The following PROSER2 variants were observed in gnomAD, a reference collection of about 807,000 sequenced individuals.
PROSER2 encodes proline and serine rich 2.
Under a neutral mutation model 14.6 loss-of-function variants are expected in PROSER2, and 18 were observed. The ratio of observed to expected loss-of-function variants is 1.23; its 90% CI spans 0.85 to 1.83. PROSER2 has a LOEUF of 1.83. PROSER2 is among the 40% of genes most tolerant of loss of function. The pLI, the probability that PROSER2 is intolerant of heterozygous loss-of-function variation, is 0.00. For synonymous variants in PROSER2, 367 were observed against 286.4 expected, an observed-to-expected ratio of 1.28 and a Z score of -2.84; for missense variants, 823 against 629.8, an observed-to-expected ratio of 1.31 and a Z score of -3.28.
At chr10:11,839,047 A>G (rs1379479272) in intron 1 of PROSER2, among the ~76,000 whole-genome samples, 1 of 152,216 alleles carries the variant, frequency 6.6e-6, no homozygotes, top group Non-Finnish European at 1.5e-5. Flanking sequence ...TAATAGAGCA[A>G]AATAGGAAAT....
At chr10:11,851,939 T>G (rs1257168046) in intron 1 of PROSER2, 58 bp from the exon 2 acceptor site, 4 of 811,204 alleles carry the variant, frequency 4.9e-6, no homozygotes, top group Non-Finnish European at 5.2e-6. Context: ...TTTGAGGGAT[T>G]GAGGCGTTTT....
intron 1 of PROSER2, among the ~76,000 whole-genome samples, chr10:11,839,654 G>A (rs776512265): frequency 4.0e-5 from 6 of 151,688 alleles, no homozygotes; most frequent in African/African-American, 9.7e-5. Context: ...GCGAAATCCC[G>A]TCTCTACTAA....
Position 11,837,273 on chromosome 10 carries a change from CTGTGAAGG to C in PROSER2, c.-82+13811_-82+13818del. Among the ~76,000 whole-genome samples, 1 of 152,330 alleles carries C rather than the reference CTGTGAAGG, an allele frequency of 6.6e-6. No homozygotes were observed. The highest frequency in any genetic ancestry group is 2.1e-4 in the South Asian group (1 of 4,826). On this transcript the variant is annotated intron_variant, in intron 1 of 3. Transcript: ENST00000277570. This position sits in a 1 kb window ranked among gnomAD's most constrained non-coding sequence, Gnocchi z 4.6. ...ACTGTAAGAACAAATCATCTTCTGT[CTGTGAAGG>C]TGTGAAGAAGGAAAAAGAAATTTAT...
chr10:11,866,909 G>A lies in PROSER2; in HGVS notation c.391+126G>A, dbSNP rs1018249290. ...GTTGAGTCTTACCAGATTTTTATAGGGGAAAATACTCCTTGGCAGTTTCAT... is the reference window on the plus strand; with the variant it reads ...GTTGAGTCTTACCAGATTTTTATAGAGGAAAATACTCCTTGGCAGTTTCAT... On this transcript the variant is annotated intron_variant, in intron 3 of 3. Transcript: ENST00000277570. This position sits in a 1 kb window ranked among gnomAD's most constrained non-coding sequence, Gnocchi z 6.0. 1 of 1,112,014 alleles carries A rather than the reference G, an allele frequency of 9.0e-7. No homozygotes were observed. Among genetic ancestry groups the A allele is most frequent in the African/African-American group, 1.6e-5 (1 of 63,858 alleles). The allele number at this position is 1,112,014 out of a possible 1,614,324, so 68.9% of individuals were successfully genotyped here.
At position 11,867,264 on chromosome 10, in the gene PROSER2, C is replaced by CAAAAAAA. The variant is rs10560433; in HGVS notation, c.391+498_391+504dup. Among the ~76,000 whole-genome samples, 25 of 51,810 alleles carry CAAAAAAA rather than the reference C, an allele frequency of 4.8e-4. 1 individual carries two copies. The highest frequency in any genetic ancestry group is 1.1e-3 in the South Asian group (1 of 926). The allele number at this position is 51,810 out of a possible 152,430, so 34.0% of individuals were successfully genotyped here. A position where few individuals can be genotyped will look rare whatever the true frequency, so the allele number is the denominator to read the frequency against. Reference sequence around the variant, plus strand: ...TGGGGGACAGAGTGAGACTCCGTCTCAAAAAAAAAAAAAAAAAAAAAAAGA... The same window carrying CAAAAAAA: ...TGGGGGACAGAGTGAGACTCCGTCTCAAAAAAAAAAAAAAAAAAAAAAAAAAAAAAGA... On this transcript the variant is annotated intron_variant, in intron 3 of 3. Transcript: ENST00000277570.
Position 11,837,301 on chromosome 10 carries a change from A to G in PROSER2, c.-82+13831A>G, listed in dbSNP as rs935436916. On this transcript the variant is annotated intron_variant, in intron 1 of 3. Transcript: ENST00000277570. This position sits in a 1 kb window ranked among gnomAD's most constrained non-coding sequence, Gnocchi z 4.6. ...TGAAGGTGTGAAGAAGGAAAAAGAAATTTATATTAGTTTTGCTGTCACACT... is the reference window on the plus strand; with the variant it reads ...TGAAGGTGTGAAGAAGGAAAAAGAAGTTTATATTAGTTTTGCTGTCACACT... Among the ~76,000 whole-genome samples the G allele has an allele frequency of 3.9e-5, 6 of 152,304 alleles. No homozygotes were observed. Among genetic ancestry groups the G allele is most frequent in the African/African-American group, 1.4e-4 (6 of 41,566 alleles).
At chr10:11,841,998 G>A (rs1478249333) in intron 1 of PROSER2, among the ~76,000 whole-genome samples, 5 of 152,126 alleles carry the variant, frequency 3.3e-5, no homozygotes, top group Non-Finnish European at 5.9e-5. Context: ...CGAGGCAGGC[G>A]GATTGCCTGA....
chr10:11,829,426 A>T (rs1833660857), intron 1 of PROSER2, among the ~76,000 whole-genome samples: 1 of 151,804 alleles, frequency 6.6e-6, no homozygotes, highest in South Asian at 2.1e-4. Context: ...TCTACAAAAA[A>T]TTAAAAAATT....
chr10:11,870,433 G>A lies in PROSER2; in HGVS notation c.*27G>A. 1 of 1,433,614 alleles carries A rather than the reference G, an allele frequency of 7.0e-7. No individual in the cohort carries two copies. The highest frequency in any genetic ancestry group is 9.1e-7 in the Non-Finnish European group (1 of 1,094,780). The allele number at this position is 1,433,614 out of a possible 1,614,324, so 88.8% of individuals were successfully genotyped here. On this transcript the variant is annotated 3_prime_UTR_variant, in exon 4 of 4. Transcript: ENST00000277570. ...GGCCGCGCGGGCTCCAGTCCACCCC[G>A]TTTCTCCCCACCCTGAAGAGAGGGT...
At chr10:11,844,682 C>T (rs1176926303) in intron 1 of PROSER2, among the ~76,000 whole-genome samples, 1 of 152,176 alleles carries the variant, frequency 6.6e-6, no homozygotes, top group African/African-American at 2.4e-5. Context: ...AGTGCAGTGG[C>T]ACGATCTCAG....
chr10:11,853,443 C>T (rs1834066825), intron 2 of PROSER2, among the ~76,000 whole-genome samples: 1 of 152,108 alleles, frequency 6.6e-6, no homozygotes, highest in Non-Finnish European at 1.5e-5. Context: ...CAAAAATTAG[C>T]CGGGCGTGGT....
rs763564979 is a variant in PROSER2 at position 11,869,447 on chromosome 10, T to C, written c.392-43T>C. 9 of 1,467,924 alleles carry C rather than the reference T, an allele frequency of 6.1e-6. No individual in the cohort carries two copies. In the South Asian group the frequency reaches 1.0e-4, roughly 17 times the overall value. 90.9% of individuals were successfully genotyped at this position (1,467,924 alleles called of 1,614,324 possible). On this transcript the variant is annotated intron_variant, in intron 3 of 3. Coordinates refer to ENST00000277570, the MANE Select transcript of PROSER2 (RefSeq NM_153256.4). The surrounding 1 kb of genome is among the most constrained non-coding windows in gnomAD (Gnocchi z 4.4). ...GAGAGGGAACTTCATGCATTTACTT[T>C]CACGTGGGCCGGTGGCTCACAGGCT...
rs888804783 is a variant in PROSER2, at chr10:11,830,136, C to T, written c.-82+6666C>T. ...GGGATTACAGGTGTGAGCCACTGTG[C>T]CAGCCACAATAGGCAGTTTTTCAGC... On this transcript the variant is annotated intron_variant, in intron 1 of 3. Transcript: ENST00000277570. This position sits in a 1 kb window ranked among gnomAD's most constrained non-coding sequence, Gnocchi z 4.5. Among the ~76,000 whole-genome samples, 1 of 152,166 alleles carries T rather than the reference C, an allele frequency of 6.6e-6. No homozygotes were observed. The highest frequency in any genetic ancestry group is 2.4e-5 in the African/African-American group (1 of 41,432).
In PROSER2 at chr10:11,836,482, C is replaced by T. The variant is rs1174431705; in HGVS notation, c.-82+13012C>T. 6.6e-6 allele frequency among the ~76,000 whole-genome samples: 1 copy of T among 152,188 alleles called. No individual in the cohort carries two copies. Among genetic ancestry groups the T allele is most frequent in the African/African-American group, 2.4e-5 (1 of 41,434 alleles). ...AAAGTGCTGGGATTACAGGTGTGAG[C>T]CACCACGCCTGGCCAGGATGTCGCT... On this transcript the variant is annotated intron_variant, in intron 1 of 3. Coordinates refer to ENST00000277570, the MANE Select transcript of PROSER2 (RefSeq NM_153256.4). This position sits in a 1 kb window ranked among gnomAD's most constrained non-coding sequence, Gnocchi z 4.6.
chr10:11,858,969 A>T (rs1477721109), intron 2 of PROSER2, among the ~76,000 whole-genome samples: 3 of 140,686 alleles, frequency 2.1e-5, no homozygotes, highest in African/African-American at 8.2e-5. Context: ...AGATTGTATG[A>T]CTGCACTCCA....
chr10:11,826,201 C>T (rs1485485978), intron 1 of PROSER2, among the ~76,000 whole-genome samples: 1 of 152,092 alleles, frequency 6.6e-6, no homozygotes, highest in Non-Finnish European at 1.5e-5. Flanking sequence ...CGGCGTGTAT[C>T]GTTGCTTCCC....
rs1029263387 is a variant in PROSER2 at position 11,865,796 on chromosome 10, A to T, written c.139-735A>T. ...TCACCTTTTTCGAGAGTAACTGGCG[A>T]GTTTTGTGCCGGGATGAGCTCATTG... On this transcript the variant is annotated intron_variant, in intron 2 of 3. Coordinates refer to ENST00000277570, the MANE Select transcript of PROSER2 (RefSeq NM_153256.4). This position sits in a 1 kb window ranked among gnomAD's most constrained non-coding sequence, Gnocchi z 4.2. 2.0e-5 allele frequency among the ~76,000 whole-genome samples: 3 copies of T among 152,090 alleles called. No homozygotes were observed. Among genetic ancestry groups the T allele is most frequent in the Non-Finnish European group, 4.4e-5 (3 of 68,010 alleles).
At chr10:11,844,884 A>C (rs776799497) in intron 1 of PROSER2, among the ~76,000 whole-genome samples, 3 of 152,202 alleles carry the variant, frequency 2.0e-5, no homozygotes, top group Non-Finnish European at 2.9e-5. Flanking sequence ...GGCCTCCCAA[A>C]GTGCTGGGAT....
rs772669879 is a variant in PROSER2 at position 11,852,072 on chromosome 10, G to T, written c.-6G>T. On this transcript the variant is annotated 5_prime_UTR_variant, in exon 2 of 4. Transcript: ENST00000277570. ...TGATCGAGCCGGCCCTGAGGACTCT[G>T]TGGAGATGCCTGTAACCCACCGGAA... The T allele has an allele frequency of 6.2e-7, 1 of 1,607,272 alleles. No homozygotes were observed. The highest frequency in any genetic ancestry group is 1.3e-5 in the African/African-American group (1 of 74,716).
Sources: gnomAD v4.1 joint callset for allele counts (sites outside exome capture counted in the v4.1 genomes callset) on GRCh38, gnomAD v4.1.1 for gene constraint, Gnocchi (gnomAD v3.1) non-coding constraint, MANE v1.5 for transcripts, NCBI Gene and HGNC (gene_info 2026-07-23, HGNC 2026-07-21) for gene names.